ELN: variants seen among roughly 807,000 people sequenced by gnomAD.
ELN encodes tropoelastin.
Under a neutral mutation model 105.8 loss-of-function variants are expected in ELN, and 65 were observed. The ratio of observed to expected loss-of-function variants is 0.61; its 90% CI spans 0.50 to 0.75. The LOEUF is 0.75. Ranked by LOEUF, ELN falls within the 30% of genes least tolerant of loss-of-function variation. The pLI, the probability that ELN is intolerant of heterozygous loss-of-function variation, is 0.00. For missense variants in ELN, 882 were observed against 969.4 expected (o/e 0.91, Z 1.20); for synonymous variants, 368 against 389.2 (o/e 0.95, Z 0.64).
At chr7:74,062,931 T>G (rs1212111295) in intron 26 of ELN, among the ~76,000 whole-genome samples, 5 of 151,838 alleles carry the variant, frequency 3.3e-5, no homozygotes, top group African/African-American at 1.2e-4. Flanking sequence ...AGCCCAGGAG[T>G]TGGAGGCTGC....
chr7:74,041,159 T>C, intron 4 of ELN, 57 bp from the exon 5 acceptor site: 8 of 1,612,604 alleles, frequency 5.0e-6, no homozygotes, highest in Non-Finnish European at 6.8e-6. Context: ...AGGAGACATT[T>C]CCCACTCTGG....
At position 74,061,097 on chromosome 7, in the gene ELN, C is replaced by G; in HGVS notation, c.1748-4C>G. ...ACCACTCCCCAACTTTTCTTTCTCC[C>G]CAGTACCTGGAGCCCTGGCTGCCGC... On this transcript the variant is annotated splice_region_variant and splice_polypyrimidine_tract_variant and intron_variant, in intron 25 of 32. Coordinates refer to ENST00000252034, the MANE Select transcript of ELN (RefSeq NM_000501.4). The G allele has an allele frequency of 1.2e-6, 2 of 1,614,016 alleles. No individual in the cohort carries two copies. The highest frequency in any genetic ancestry group is 2.2e-5 in the East Asian group (1 of 44,904).
rs781973983 is a variant in ELN at position 74,051,952 on chromosome 7, T to TGCAGCA, written c.924_929dup (p.Ala310_Ala311dup). The TGCAGCA allele has an allele frequency of 1.2e-6, 2 of 1,612,660 alleles. No individual in the cohort carries two copies. The highest frequency in any genetic ancestry group is 1.1e-5 in the South Asian group (1 of 91,078). On this transcript the variant is annotated inframe_insertion, in exon 17 of 33. Coordinates refer to ENST00000252034, the MANE Select transcript of ELN (RefSeq NM_000501.4). ...TTGGGACTCCAGCTGCAGCTGCAGC[T>TGCAGCA]GCAGCAGCAGCCGCTAAGGCAGCCA...
chr7:74,030,252 C>T (rs1417757582), intron 1 of ELN, among the ~76,000 whole-genome samples: 5 of 152,242 alleles, frequency 3.3e-5, no homozygotes, highest in African/African-American at 9.6e-5. Context: ...CTCACTGCCA[C>T]TCACCTGGCT....
At chr7:74,056,765 A>T in intron 21 of ELN, 52 bp downstream of exon 21, 1 of 1,611,990 alleles carries the variant, frequency 6.2e-7, no homozygotes, top group Non-Finnish European at 8.5e-7. Flanking sequence ...CGCGGGGCTC[A>T]GGGTCCAACC....
chr7:74,041,929 G>A (rs941165116), intron 5 of ELN, among the ~76,000 whole-genome samples: 6 of 151,982 alleles, frequency 3.9e-5, no homozygotes, highest in Non-Finnish European at 8.8e-5. Flanking sequence ...TAGTAGAGAC[G>A]GGGTTTCACC....
At chr7:74,058,402 T>G (rs1455801636) in intron 22 of ELN, among the ~76,000 whole-genome samples, 1 of 151,918 alleles carries the variant, frequency 6.6e-6, no homozygotes, top group Non-Finnish European at 1.5e-5. Flanking sequence ...TCACCCAGGA[T>G]GGGGTACAGT....
chr7:74,048,182 T>C lies in ELN; in HGVS notation c.726T>C (p.Ala242=), dbSNP rs144796562. The change falls in exon 14 of 33, where the codon GCT becomes GCC. Residue 242 remains alanine, a synonymous_variant. Transcript: ENST00000252034. ...PGGVAGAAGK[A]GYPTGTGVGP... ...GAGTGGCTGGTGCAGCGGGCAAGGC[T>C]GGTTACCCAACAGGGACAGGTAAGG... 6.2e-6 allele frequency: 10 copies of C among 1,613,984 alleles called. 1 individual carries two copies. In the African/African-American group the frequency reaches 1.1e-4, roughly 17 times the overall value.
chr7:74,035,470 T>C (rs1554665015), intron 2 of ELN, 56 bp downstream of exon 2: 2 of 1,599,166 alleles, frequency 1.3e-6, no homozygotes, highest in African/African-American at 2.7e-5. Flanking sequence ...CTGATGTCCA[T>C]AATAGATGCA....
chr7:74,048,390 C>T, intron 14 of ELN, 113 bp from the exon 15 acceptor site: 13 of 1,539,360 alleles, frequency 8.4e-6, no homozygotes, highest in Non-Finnish European at 1.2e-5. Context: ...CTCTGAAGCT[C>T]CCATGTATAC....
At chr7:74,050,270 C>T (rs1450768495) in intron 15 of ELN, among the ~76,000 whole-genome samples, 4 of 151,468 alleles carry the variant, frequency 2.6e-5, no homozygotes, top group African/African-American at 9.7e-5. Flanking sequence ...TCCATTCTTC[C>T]CTCTATCCAT....
At chr7:74,061,601 G>T (rs545160369) in intron 26 of ELN, among the ~76,000 whole-genome samples, 1 of 152,126 alleles carries the variant, frequency 6.6e-6, no homozygotes, top group Non-Finnish European at 1.5e-5. Flanking sequence ...GCAGTGAGCC[G>T]AGATCACGCC....
chr7:74,046,290 C>T (rs1489715378), intron 11 of ELN, 73 bp downstream of exon 11: 4 of 1,602,788 alleles, frequency 2.5e-6, no homozygotes, highest in African/African-American at 1.3e-5. Flanking sequence ...GGGTTGGGCA[C>T]CCAAGATCCC....
At position 74,051,868 on chromosome 7, in the gene ELN, G is replaced by A. The variant is rs373670001; in HGVS notation, c.889+29G>A. 2.8e-5 allele frequency: 45 copies of A among 1,614,188 alleles called. No individual in the cohort carries two copies. The African/African-American group carries it at 5.3e-4, about 19-fold the overall frequency. ...ACATCTGTCCCAGCAGGGGGCGGGT[G>A]TGTCCTTGAGATGGCCACAGGGCAA... On this transcript the variant is annotated intron_variant, in intron 16 of 32. Coordinates refer to ENST00000252034, the MANE Select transcript of ELN (RefSeq NM_000501.4).
rs1554687107 is a variant in ELN, at chr7:74,063,876, G to A, written c.1993+181G>A. Among the ~76,000 whole-genome samples, 1 of 152,168 alleles carries A rather than the reference G, an allele frequency of 6.6e-6. No homozygotes were observed. Among genetic ancestry groups the A allele is most frequent in the African/African-American group, 2.4e-5 (1 of 41,438 alleles). On this transcript the variant is annotated intron_variant, in intron 29 of 32. Coordinates refer to ENST00000252034, the MANE Select transcript of ELN (RefSeq NM_000501.4). The surrounding 1 kb of genome is among the most constrained non-coding windows in gnomAD (Gnocchi z 4.1). The stretch of plus-strand genomic sequence containing the variant: ...CCAGCACTCTAGTAGGCCAAGGTGG[G>A]CGGATCACTAGAGGTGAGGAGTTTG...
chr7:74,043,357 C>A, intron 8 of ELN, 189 bp downstream of exon 8: 1 of 878,510 alleles, frequency 1.1e-6, no homozygotes, highest in Non-Finnish European at 1.8e-6. Context: ...GCCCACTTCC[C>A]GGGCCCTTCT....
At chr7:74,053,756 G>GTGGA (rs1419014557) in intron 18 of ELN, among the ~76,000 whole-genome samples, 3 of 150,940 alleles carry the variant, frequency 2.0e-5, no homozygotes, top group Non-Finnish European at 3.0e-5. Context: ...GGATGGGTGG[G>GTGGA]TGGATGGATG....
chr7:74,048,588 C>T lies in ELN; in HGVS notation c.799+32C>T, dbSNP rs782756384. 2.5e-6 allele frequency: 4 copies of T among 1,612,782 alleles called. No homozygotes were observed. The African/African-American group carries it at 5.3e-5, about 22-fold the overall frequency. ...GCCCCTGGAGTCCCCACCTGGTGGCCTCCAGGCCCCTAGCCTCTCCATTCC... is the reference window on the plus strand; with the variant it reads ...GCCCCTGGAGTCCCCACCTGGTGGCTTCCAGGCCCCTAGCCTCTCCATTCC... On this transcript the variant is annotated intron_variant, in intron 15 of 32. Coordinates refer to ENST00000252034, the MANE Select transcript of ELN (RefSeq NM_000501.4).
intron 8 of ELN, chr7:74,043,489 T>G (rs1386637171): frequency 1.5e-6 from 1 of 685,744 alleles, no homozygotes; most frequent in Non-Finnish European, 2.7e-6. Flanking sequence ...CCGGCAGAGC[T>G]GGGGGAGCCC....
Sources: gnomAD v4.1 joint callset for allele counts (sites outside exome capture counted in the v4.1 genomes callset) on GRCh38, gnomAD v4.1.1 for gene constraint, Gnocchi (gnomAD v3.1) non-coding constraint, MANE v1.5 for transcripts, NCBI Gene and HGNC (gene_info 2026-07-23, HGNC 2026-07-21) for gene names.